DLGAP1: variants seen among roughly 807,000 people sequenced by gnomAD.
The protein encoded by DLGAP1 is disks large-associated protein 1.
A neutral mutation model predicts 90.8 loss-of-function variants in DLGAP1; 11 were observed. The observed-to-expected ratio is 0.12, with a 90% CI of 0.08 to 0.20. The LOEUF is 0.20. DLGAP1 is among the 10% of genes least tolerant of loss of function. The pLI is 1.00. For synonymous variants in DLGAP1, 558 were observed against 540.7 expected, an observed-to-expected ratio of 1.03 and a Z score of -0.44; for missense variants, 1,050 against 1,333.8, an observed-to-expected ratio of 0.79 and a Z score of 3.31.
At chr18:4,349,397 T>C (rs2081362673) in intron 1 of DLGAP1, among the ~76,000 whole-genome samples, 1 of 152,000 alleles carries the variant, frequency 6.6e-6, no homozygotes. Flanking sequence ...AACAAGTAAA[T>C]GCAGTCGGTG....
chr18:3,777,935 G>A (rs893368577), intron 5 of DLGAP1, among the ~76,000 whole-genome samples: 4 of 152,146 alleles, frequency 2.6e-5, no homozygotes, highest in African/African-American at 9.7e-5. Flanking sequence ...TGTAGTGTGT[G>A]TGTGTTTGTA....
chr18:3,541,830 G>A (rs536896899), intron 9 of DLGAP1, among the ~76,000 whole-genome samples: 1 of 152,164 alleles, frequency 6.6e-6, no homozygotes, highest in African/African-American at 2.4e-5. Flanking sequence ...TTTGATGTGT[G>A]AAGCAAGGAA....
chr18:4,400,509 C>A (rs939196363), intron 1 of DLGAP1, among the ~76,000 whole-genome samples: 1 of 152,040 alleles, frequency 6.6e-6, no homozygotes, highest in East Asian at 1.9e-4. Context: ...TTTCCTGTGT[C>A]CCATGTATAT....
At chr18:3,732,879 A>T (rs1038203012) in intron 6 of DLGAP1, among the ~76,000 whole-genome samples, 2 of 152,164 alleles carry the variant, frequency 1.3e-5, no homozygotes, top group African/African-American at 4.8e-5. Context: ...ATATATTGTC[A>T]TTGCTACTGG....
intron 3 of DLGAP1, among the ~76,000 whole-genome samples, chr18:3,980,580 G>C (rs984846227): frequency 6.6e-6 from 1 of 152,098 alleles, no homozygotes; most frequent in South Asian, 2.1e-4. Flanking sequence ...AGATGTACAG[G>C]TGTTTCTGCC....
chr18:4,307,918 A>G (rs1394899821), intron 1 of DLGAP1, among the ~76,000 whole-genome samples: 2 of 151,792 alleles, frequency 1.3e-5, no homozygotes, highest in African/African-American at 2.4e-5. Context: ...GTTTCGCTAC[A>G]TTGGCCAGGC....
At chr18:3,882,730 A>C (rs918343628) in intron 3 of DLGAP1, among the ~76,000 whole-genome samples, 16 of 152,114 alleles carry the variant, frequency 1.1e-4, no homozygotes, top group African/African-American at 3.9e-4. Flanking sequence ...AGAGGCTGCT[A>C]TTCCATCAGG....
chr18:3,716,324 G>T (rs966631920), intron 7 of DLGAP1, among the ~76,000 whole-genome samples: 1 of 152,172 alleles, frequency 6.6e-6, no homozygotes, highest in Non-Finnish European at 1.5e-5. Context: ...TAAGGTGGGA[G>T]GACTGCTTGA....
At chr18:4,004,927 TGTGTGTGTGTGTGTGC>T (rs896894763) in intron 3 of DLGAP1, 173 bp downstream of exon 3, 1 of 140,564 alleles carries the variant, frequency 7.1e-6, no homozygotes, top group African/African-American at 3.1e-5. Flanking sequence ...TGTGTGTGTG[TGTGTGTGTGTGTGTGC>T]GCGCGTGTGT....
intron 5 of DLGAP1, among the ~76,000 whole-genome samples, chr18:3,750,587 T>G (rs559888936): frequency 1.1e-4 from 16 of 152,346 alleles, no homozygotes; most frequent in Non-Finnish European, 2.1e-4. Context: ...AGGCTTCACC[T>G]TGGTTCTCCT....
chr18:4,180,393 A>C (rs2077186539), intron 1 of DLGAP1, among the ~76,000 whole-genome samples: 1 of 152,076 alleles, frequency 6.6e-6, no homozygotes, highest in Non-Finnish European at 1.5e-5. Context: ...CACCCCAAAG[A>C]CATTACACTT....
chr18:3,809,993 T>C (rs2066753330), intron 5 of DLGAP1, among the ~76,000 whole-genome samples: 1 of 152,216 alleles, frequency 6.6e-6, no homozygotes. Context: ...TGCCTGGAAA[T>C]TTACTATTAA....
At chr18:3,631,767 T>TAAA (rs4065387) in intron 7 of DLGAP1, among the ~76,000 whole-genome samples, 39,538 of 151,852 alleles carry the variant, frequency 0.26, 7,567 homozygotes, top group African/African-American at 0.54. Context: ...ATAAATTAAA[T>TAAA]AAAATTCACA....
rs925265523 is a variant in DLGAP1 at position 3,630,912 on chromosome 18, T to G, written c.1592-48664A>C. ...GGTTTTTGGTTGATATTGCATTAAA[T>G]TTATAGATCAGTTTTAAGTGAATTG... On this transcript the variant is annotated intron_variant, in intron 7 of 12. Coordinates refer to ENST00000315677, the MANE Select transcript of DLGAP1 (RefSeq NM_004746.4). Among the ~76,000 whole-genome samples, 54 of 152,188 alleles carry G rather than the reference T, an allele frequency of 3.5e-4. 3 individuals carry two copies. Among genetic ancestry groups the G allele is most frequent in the Non-Finnish European group, 1.5e-5 (1 of 68,036 alleles).
At chr18:4,184,021 T>C (rs1463605473) in intron 1 of DLGAP1, among the ~76,000 whole-genome samples, 1 of 152,158 alleles carries the variant, frequency 6.6e-6, no homozygotes, top group Non-Finnish European at 1.5e-5. Flanking sequence ...TATTTTTAGA[T>C]TAATAGAGCC....
intron 2 of DLGAP1, among the ~76,000 whole-genome samples, chr18:4,091,641 T>A (rs2075774421): frequency 6.6e-6 from 1 of 152,212 alleles, no homozygotes. Context: ...ACGACTGTGC[T>A]GACTCTACTG....
chr18:4,401,018 T>C (rs1428252120), intron 1 of DLGAP1, among the ~76,000 whole-genome samples: 1 of 152,224 alleles, frequency 6.6e-6, no homozygotes, highest in Non-Finnish European at 1.5e-5. Context: ...TTAAAATATG[T>C]CAAAATACTC....
At chr18:3,997,889 C>T (rs1025023693) in intron 3 of DLGAP1, among the ~76,000 whole-genome samples, 3 of 151,884 alleles carry the variant, frequency 2.0e-5, no homozygotes, top group Non-Finnish European at 2.9e-5. Context: ...GTGTATTTTA[C>T]GTGTACAGAA....
rs1377409561 is a variant in DLGAP1, at chr18:3,610,835, C to T, written c.1592-28587G>A. Among the ~76,000 whole-genome samples, 6 of 150,510 alleles carry T rather than the reference C, an allele frequency of 4.0e-5. No individual in the cohort carries two copies. The East Asian group carries it at 1.2e-3, about 29-fold the overall frequency. Reference sequence around the variant, plus strand: ...GCCTGGGTGACAGTGAGACTCTGTCCCTCAAAAAAATAAAAAAAGATGGTA... The same window carrying T: ...GCCTGGGTGACAGTGAGACTCTGTCTCTCAAAAAAATAAAAAAAGATGGTA... On this transcript the variant is annotated intron_variant, in intron 7 of 12. Coordinates refer to ENST00000315677, the MANE Select transcript of DLGAP1 (RefSeq NM_004746.4).
Sources: gnomAD v4.1 joint callset for allele counts (sites outside exome capture counted in the v4.1 genomes callset) on GRCh38, gnomAD v4.1.1 for gene constraint, MANE v1.5 for transcripts, NCBI Gene and HGNC (gene_info 2026-07-23, HGNC 2026-07-21) for gene names.